Variants in TRIB2 observed in about 807,000 individuals in gnomAD.
The protein encoded by TRIB2 is tribbles pseudokinase 2.
A neutral mutation model predicts 26.8 loss-of-function variants in TRIB2; 2 were observed. That is an observed-to-expected ratio of 0.07 (90% CI 0.03 to 0.24). TRIB2 has a LOEUF of 0.24. Among genes scored for constraint, TRIB2 ranks in the 10% least tolerant of loss-of-function variants. The pLI, the probability that TRIB2 is intolerant of heterozygous loss-of-function variation, is 1.00. For synonymous variants in TRIB2, 189 were observed against 187.3 expected (o/e 1.01, Z -0.08); for missense variants, 306 against 449.0 (o/e 0.68, Z 2.88).
At position 12,740,230 on chromosome 2, in the gene TRIB2, A is replaced by G; in HGVS notation, c.564-96A>G. 1.8e-6 allele frequency: 2 copies of G among 1,140,360 alleles called. No homozygotes were observed. Among genetic ancestry groups the G allele is most frequent in the Non-Finnish European group, 2.5e-6 (2 of 787,680 alleles). The allele number at this position is 1,140,360 out of a possible 1,614,324, so 70.6% of individuals were successfully genotyped here. A position where few individuals can be genotyped will look rare whatever the true frequency, so the allele number is the denominator to read the frequency against. On this transcript the variant is annotated intron_variant, in intron 2 of 2. Transcript: ENST00000155926. The surrounding 1 kb of genome is among the most constrained non-coding windows in gnomAD (Gnocchi z 5.8). ...CGTGAATGAATGAATGTGAATGAGG[A>G]GTCTTCAGAAACACTATAGTCGGTT...
In TRIB2 at chr2:12,742,665, G is replaced by C. The variant is rs1423225015; in HGVS notation, c.*1871G>C. On this transcript the variant is annotated 3_prime_UTR_variant, in exon 3 of 3. Coordinates refer to ENST00000155926, the MANE Select transcript of TRIB2 (RefSeq NM_021643.4). ...GGGGATCTATGGCCTCTGGTGCTTT[G>C]TCCTGTATTTGGTTTAATGTTTTTG... 6.6e-6 allele frequency: 1 copy of C among 150,936 alleles called. No individual in the cohort carries two copies. Among genetic ancestry groups the C allele is most frequent in the Non-Finnish European group, 1.5e-5 (1 of 67,724 alleles). 9.3% of individuals were successfully genotyped at this position (150,936 alleles called of 1,614,324 possible). A position where few individuals can be genotyped will look rare whatever the true frequency, so the allele number is the denominator to read the frequency against.
intron 2 of TRIB2, among the ~76,000 whole-genome samples, chr2:12,737,172 TGGG>T (rs1280224048): frequency 6.6e-6 from 1 of 152,204 alleles, no homozygotes; most frequent in African/African-American, 2.4e-5. Context: ...ACTGCAGGTT[TGGG>T]GCAGACGAAC....
At chr2:12,724,901 T>TCC in intron 2 of TRIB2, 1 of 1,508,948 alleles carries the variant, frequency 6.6e-7, no homozygotes, top group Non-Finnish European at 8.8e-7. Flanking sequence ...CCTTGTATGT[T>TCC]CCACCTTTCT....
chr2:12,729,000 T>G (rs912873555), intron 2 of TRIB2, among the ~76,000 whole-genome samples: 2 of 152,226 alleles, frequency 1.3e-5, no homozygotes, highest in Non-Finnish European at 2.9e-5. Context: ...GTACATTTTT[T>G]CAAGTTGTAG....
rs1035677 is a variant in TRIB2, at chr2:12,742,189, C to G, written c.*1395C>G. On this transcript the variant is annotated 3_prime_UTR_variant, in exon 3 of 3. Coordinates refer to ENST00000155926, the MANE Select transcript of TRIB2 (RefSeq NM_021643.4). ...CAAAATGTTTTTTATTACGGCTTTT[C>G]TATTGCTGTATGATACAGAACTCTT... 80 of 152,644 alleles carry G rather than the reference C, an allele frequency of 5.2e-4. No individual in the cohort carries two copies. Among genetic ancestry groups the G allele is most frequent in the African/African-American group, 1.8e-3 (74 of 41,540 alleles). 9.5% of individuals were successfully genotyped at this position (152,644 alleles called of 1,614,324 possible).
intron 2 of TRIB2, among the ~76,000 whole-genome samples, chr2:12,726,986 G>C (rs1329608327): frequency 6.6e-6 from 1 of 152,164 alleles, no homozygotes; most frequent in East Asian, 1.9e-4. Context: ...GTCCCCCACT[G>C]GTGGTTTTGC....
Position 12,718,815 on chromosome 2 carries a change from G to A in TRIB2, c.270+238G>A, listed in dbSNP as rs116713677. Among the ~76,000 whole-genome samples, 5,014 of 152,246 alleles carry A rather than the reference G, an allele frequency of 0.033. 259 individuals are homozygous for A. The highest frequency in any genetic ancestry group is 0.11 in the African/African-American group (4,753 of 41,512). ...GAGAGCCCGGGGAGGAGAGGGCGGC[G>A]GGACTGCGCGGGGGCCACGGACACG... On this transcript the variant is annotated intron_variant, in intron 1 of 2. Coordinates refer to ENST00000155926, the MANE Select transcript of TRIB2 (RefSeq NM_021643.4). The surrounding 1 kb of genome is among the most constrained non-coding windows in gnomAD (Gnocchi z 4.0).
chr2:12,731,049 G>A (rs1033447967), intron 2 of TRIB2, among the ~76,000 whole-genome samples: 22 of 152,226 alleles, frequency 1.4e-4, no homozygotes, highest in African/African-American at 5.3e-4. Context: ...ACGGTGCTAG[G>A]TGTTGATGGT....
At chr2:12,719,462 G>T (rs567720426) in intron 1 of TRIB2, among the ~76,000 whole-genome samples, 6 of 152,056 alleles carry the variant, frequency 3.9e-5, no homozygotes, top group Non-Finnish European at 7.4e-5. Context: ...CCAGACAAGT[G>T]GATGAGGGGC....
intron 2 of TRIB2, 92 bp downstream of exon 2, chr2:12,723,644 G>T (rs2278117): frequency 6.9e-7 from 1 of 1,455,992 alleles, no homozygotes; most frequent in Non-Finnish European, 9.2e-7. Context: ...TTTTTTTGCC[G>T]TCTGTGGTCC....
At chr2:12,734,470 G>A (rs771977496) in intron 2 of TRIB2, among the ~76,000 whole-genome samples, 1 of 152,080 alleles carries the variant, frequency 6.6e-6, no homozygotes, top group African/African-American at 2.4e-5. Context: ...TCACATCTAC[G>A]GCCGTATGCT....
chr2:12,728,526 G>T (rs1015973930), intron 2 of TRIB2, among the ~76,000 whole-genome samples: 4 of 152,208 alleles, frequency 2.6e-5, no homozygotes, highest in Admixed American at 6.5e-5. Context: ...GCCACTCTCT[G>T]CCTCAGTTTC....
chr2:12,722,779 T>C (rs6719434), intron 1 of TRIB2, among the ~76,000 whole-genome samples: 31,552 of 152,154 alleles, frequency 0.21, 4,026 homozygotes, highest in Non-Finnish European at 0.28. Flanking sequence ...GCTAGCTGTT[T>C]ATTCTCTTAG....
rs1666632365 is a variant in TRIB2 at position 12,717,910 on chromosome 2, C to G, written c.-398C>G. 8.3e-6 allele frequency: 2 copies of G among 242,252 alleles called. No homozygotes were observed. Among genetic ancestry groups the G allele is most frequent in the Non-Finnish European group, 1.6e-5 (2 of 125,990 alleles). The allele number at this position is 242,252 out of a possible 1,614,324, so 15.0% of individuals were successfully genotyped here. A position where few individuals can be genotyped will look rare whatever the true frequency, so the allele number is the denominator to read the frequency against. On this transcript the variant is annotated 5_prime_UTR_variant, in exon 1 of 3. Transcript: ENST00000155926. The surrounding 1 kb of genome is among the most constrained non-coding windows in gnomAD (Gnocchi z 4.8). The stretch of plus-strand genomic sequence containing the variant: ...ACCGCGGGCTCCTCCGCCCCGTCTG[C>G]GATTCGGAAGCCGGCCTGGGGGTCG...
chr2:12,739,969 T>A (rs1306418083), intron 2 of TRIB2, among the ~76,000 whole-genome samples: 1 of 152,196 alleles, frequency 6.6e-6, no homozygotes, highest in Non-Finnish European at 1.5e-5. Flanking sequence ...GCCCTATCAT[T>A]ATGCAAATGT....
At chr2:12,719,374 T>A (rs1327824765) in intron 1 of TRIB2, among the ~76,000 whole-genome samples, 2 of 152,104 alleles carry the variant, frequency 1.3e-5, no homozygotes, top group African/African-American at 4.8e-5. Flanking sequence ...TTCGGTTTCC[T>A]TTTTTGTCTT....
chr2:12,720,273 C>T lies in TRIB2; in HGVS notation c.270+1696C>T, dbSNP rs1661175637. On this transcript the variant is annotated intron_variant, in intron 1 of 2. Transcript: ENST00000155926. ...ACAGTGTCATTTGCAGACTTGTGCTCTGGCCTCAAATTGGACTTAATCTGC... is the reference window on the plus strand; with the variant it reads ...ACAGTGTCATTTGCAGACTTGTGCTTTGGCCTCAAATTGGACTTAATCTGC... 2.0e-5 allele frequency among the ~76,000 whole-genome samples: 3 copies of T among 152,192 alleles called. No homozygotes were observed. The South Asian group carries it at 6.2e-4, about 32-fold the overall frequency.
At position 12,737,496 on chromosome 2, in the gene TRIB2, G is replaced by A. The variant is rs186554055; in HGVS notation, c.564-2830G>A. The stretch of plus-strand genomic sequence containing the variant: ...TCCGTCACATCTCGACAGCTAGTAA[G>A]TCTCGTGGGCCAGCTCCACCTGCCA... On this transcript the variant is annotated intron_variant, in intron 2 of 2. Transcript: ENST00000155926. The A allele has an allele frequency of 1.8e-3, 278 of 154,844 alleles. 1 individual carries two copies. In the Middle Eastern group the frequency reaches 0.019, roughly 11 times the overall value. 9.6% of individuals were successfully genotyped at this position (154,844 alleles called of 1,614,324 possible). A position where few individuals can be genotyped will look rare whatever the true frequency, so the allele number is the denominator to read the frequency against.
At chr2:12,733,864 T>A (rs1661511958) in intron 2 of TRIB2, among the ~76,000 whole-genome samples, 1 of 151,658 alleles carries the variant, frequency 6.6e-6, no homozygotes, top group Non-Finnish European at 1.5e-5. Flanking sequence ...CTCTGGAGCC[T>A]GTGCTGAGAG....
Sources: allele counts gnomAD v4.1 joint callset (sites outside exome capture counted in the v4.1 genomes callset), GRCh38; gene constraint gnomAD v4.1.1; non-coding constraint Gnocchi (gnomAD v3.1); transcripts MANE v1.5; gene names NCBI Gene and HGNC (gene_info 2026-07-23, HGNC 2026-07-21).